The following RRAGC variants were observed in gnomAD, a reference collection of about 807,000 sequenced individuals.
RRAGC encodes Ras related GTP binding C, also known as ras-related GTP-binding protein C.
In RRAGC, 8 loss-of-function variants were observed where a neutral mutation model predicts 37.1. The ratio of observed to expected loss-of-function variants is 0.22; its 90% CI spans 0.13 to 0.39. The LOEUF is 0.39. Ranked by LOEUF, RRAGC falls within the 10% of genes least tolerant of loss-of-function variation. RRAGC has a pLI of 1.00. For missense variants in RRAGC, 342 were observed against 497.6 expected (o/e 0.69, Z 2.98); for synonymous variants, 190 against 181.1 (o/e 1.05, Z -0.39).
At chr1:38,843,738 G>A in intron 6 of RRAGC, among the ~76,000 whole-genome samples, 1 of 150,886 alleles carries the variant, frequency 6.6e-6, no homozygotes, top group Middle Eastern at 3.5e-3. Flanking sequence ...AAAAAACTCA[G>A]GTAGAAGAGG....
intron 5 of RRAGC, among the ~76,000 whole-genome samples, chr1:38,851,227 A>G (rs1190736232): frequency 6.6e-6 from 1 of 152,228 alleles, no homozygotes; most frequent in African/African-American, 2.4e-5. Flanking sequence ...CTAATTCCAC[A>G]AAGCCTGAGG....
At chr1:38,842,794 G>C (rs1326089515) in intron 6 of RRAGC, among the ~76,000 whole-genome samples, 6 of 152,276 alleles carry the variant, frequency 3.9e-5, no homozygotes, top group African/African-American at 9.6e-5. Flanking sequence ...ATGTGGTATA[G>C]TCAACCTGTA....
chr1:38,846,212 A>G (rs528676752), intron 5 of RRAGC, 125 bp from the exon 6 acceptor site: 1 of 747,008 alleles, frequency 1.3e-6, no homozygotes, highest in Non-Finnish European at 2.2e-6. Flanking sequence ...GCTTAAACAT[A>G]TTGGGAGAGA....
intron 5 of RRAGC, among the ~76,000 whole-genome samples, chr1:38,850,694 A>G (rs1642089677): frequency 6.6e-6 from 1 of 152,160 alleles, no homozygotes; most frequent in Admixed American, 6.6e-5. Context: ...AGATATTTAG[A>G]CTAGATGGAG....
At chr1:38,850,177 G>A (rs1331680374) in intron 5 of RRAGC, among the ~76,000 whole-genome samples, 2 of 151,606 alleles carry the variant, frequency 1.3e-5, no homozygotes, top group Non-Finnish European at 2.9e-5. Flanking sequence ...CTGCACTCCA[G>A]TCTGGGCAAC....
chr1:38,854,357 C>T (rs1642141304), intron 3 of RRAGC, among the ~76,000 whole-genome samples: 1 of 152,200 alleles, frequency 6.6e-6, no homozygotes. Flanking sequence ...GCATAAGCCA[C>T]TATGCCTGGC....
At chr1:38,856,783 T>C (rs984795337) in intron 2 of RRAGC, 96 bp downstream of exon 2, 2 of 1,208,844 alleles carry the variant, frequency 1.7e-6, no homozygotes, top group Non-Finnish European at 2.4e-6. Flanking sequence ...GCCAAAGAGA[T>C]AAGCTGCAAC....
intron 1 of RRAGC, 122 bp downstream of exon 1, chr1:38,859,288 G>C: frequency 1.1e-6 from 1 of 933,176 alleles, no homozygotes; most frequent in East Asian, 2.7e-5. Context: ...CGCAAGAGTG[G>C]AAGAGAAAGT....
intron 5 of RRAGC, among the ~76,000 whole-genome samples, chr1:38,850,414 T>C (rs1308820270): frequency 6.6e-6 from 1 of 151,950 alleles, no homozygotes; most frequent in Non-Finnish European, 1.5e-5. Flanking sequence ...CTCAGGAGGC[T>C]GAGGCAGGAA....
chr1:38,857,682 G>A (rs1048138560), intron 1 of RRAGC, among the ~76,000 whole-genome samples: 15 of 152,222 alleles, frequency 9.9e-5, no homozygotes, highest in African/African-American at 2.9e-4. Context: ...TAATCGGCCC[G>A]GGTGCGGTGG....
chr1:38,858,257 TCA>T (rs1642191590), intron 1 of RRAGC, among the ~76,000 whole-genome samples: 1 of 151,782 alleles, frequency 6.6e-6, no homozygotes, highest in African/African-American at 2.4e-5. Flanking sequence ...GAAAAAAAAA[TCA>T]CAGATTTATT....
chr1:38,849,876 T>C (rs890959664), intron 5 of RRAGC, among the ~76,000 whole-genome samples: 6 of 152,282 alleles, frequency 3.9e-5, no homozygotes, highest in African/African-American at 1.4e-4. Flanking sequence ...TCCTAAAATA[T>C]ATAATAAACT....
intron 1 of RRAGC, 38 bp downstream of exon 1, chr1:38,859,372 C>G: frequency 6.5e-7 from 1 of 1,532,864 alleles, no homozygotes; most frequent in Non-Finnish European, 8.8e-7. Context: ...ACCTGAGAAC[C>G]GGGGAGGGGG....
intron 1 of RRAGC, 108 bp from the exon 2 acceptor site, chr1:38,857,190 T>C (rs1642178119): frequency 2.4e-6 from 2 of 847,870 alleles, no homozygotes; most frequent in African/African-American, 1.7e-5. Context: ...AAAAAAATTT[T>C]TTTTGAAAAG....
intron 3 of RRAGC, among the ~76,000 whole-genome samples, chr1:38,853,514 G>A (rs1642127183): frequency 2.0e-5 from 3 of 152,228 alleles, no homozygotes; most frequent in African/African-American, 7.2e-5. Flanking sequence ...GGGAGGCCAA[G>A]GCAGGTGGAC....
intron 2 of RRAGC, 88 bp downstream of exon 2, chr1:38,856,791 A>T: frequency 3.8e-6 from 5 of 1,301,806 alleles, no homozygotes; most frequent in Non-Finnish European, 5.5e-6. Flanking sequence ...GATAAGCTGC[A>T]ACCACATGAC....
At chr1:38,857,466 T>C (rs1642181192) in intron 1 of RRAGC, among the ~76,000 whole-genome samples, 1 of 152,246 alleles carries the variant, frequency 6.6e-6, no homozygotes, top group Non-Finnish European at 1.5e-5. Flanking sequence ...ATTCAAAAAT[T>C]ACTTGAATGC....
rs745979801 is a variant in RRAGC, at chr1:38,859,380, G to C, written c.237+30C>G. ...ACCGGCCACCTGAGAACCGGGGAGG[G>C]GGCGGGGGACTGGGCGCAGCCCTGC... is the stretch of plus-strand genomic sequence containing the variant. On this transcript the variant is annotated intron_variant, in intron 1 of 6. Coordinates refer to ENST00000373001, the MANE Select transcript of RRAGC (RefSeq NM_022157.4). The C allele has an allele frequency of 1.5e-5, 23 of 1,537,408 alleles. 1 individual carries two copies. In the South Asian group the frequency reaches 1.9e-4, roughly 13 times the overall value.
rs528866411 is a variant in RRAGC at position 38,855,976 on chromosome 1, A to G, written c.442-69T>C. On this transcript the variant is annotated intron_variant, in intron 2 of 6. Transcript: ENST00000373001. ...AGCCAAGTAATGAGTTAAAGCCTCA[A>G]ACCACCTCTTTCCCCAACCACAGAA... is the stretch of plus-strand genomic sequence containing the variant. 3.7e-6 allele frequency: 4 copies of G among 1,075,538 alleles called. No individual in the cohort carries two copies. The East Asian group carries it at 7.5e-5, about 20-fold the overall frequency. The allele number at this position is 1,075,538 out of a possible 1,614,324, so 66.6% of individuals were successfully genotyped here.
Sources: gnomAD v4.1 joint callset for allele counts (sites outside exome capture counted in the v4.1 genomes callset) on GRCh38, gnomAD v4.1.1 for gene constraint, MANE v1.5 for transcripts, NCBI Gene and HGNC (gene_info 2026-07-23, HGNC 2026-07-21) for gene names.